The following RNF4 variants were observed in gnomAD, a reference collection of about 807,000 sequenced individuals.
RNF4 encodes E3 ubiquitin-protein ligase RNF4.
Under a neutral mutation model 24.3 loss-of-function variants are expected in RNF4, and 7 were observed. That is an observed-to-expected ratio of 0.29 (90% CI 0.16 to 0.54). The LOEUF (loss-of-function observed/expected upper bound fraction) is 0.54. Among genes scored for constraint, RNF4 ranks in the 20% least tolerant of loss-of-function variants. The pLI is 0.95. For missense variants in RNF4, 209 were observed against 248.5 expected (o/e 0.84, Z 1.07); for synonymous variants, 83 against 84.3 (o/e 0.98, Z 0.09).
At chr4:2,505,548 A>C (rs542682700) in intron 4 of RNF4, 1 of 149,636 alleles carries the variant, frequency 6.7e-6, no homozygotes, top group African/African-American at 2.5e-5. Context: ...GATGGTCTCG[A>C]TCTCCTGACC....
intron 4 of RNF4, among the ~76,000 whole-genome samples, chr4:2,503,387 A>G (rs1735975076): frequency 6.6e-6 from 1 of 152,074 alleles, no homozygotes; most frequent in African/African-American, 2.4e-5. Flanking sequence ...TACCCTGGAA[A>G]GTGGATGGGT....
chr4:2,502,843 C>CAA (rs61616696), intron 4 of RNF4, among the ~76,000 whole-genome samples: 3 of 130,802 alleles, frequency 2.3e-5, no homozygotes, highest in Non-Finnish European at 3.3e-5. Context: ...GACTCTGTCT[C>CAA]AAAAAAAAAA....
At chr4:2,484,618 G>C (rs1445020722) in intron 1 of RNF4, among the ~76,000 whole-genome samples, 1 of 150,972 alleles carries the variant, frequency 6.6e-6, no homozygotes, top group Non-Finnish European at 1.5e-5. Context: ...ACTCCTGCTA[G>C]AGTGGGGGGG....
intron 1 of RNF4, chr4:2,480,644 C>T (rs1735219137): frequency 6.6e-6 from 1 of 151,884 alleles, no homozygotes; most frequent in Admixed American, 6.6e-5. Context: ...GTGGGGACAC[C>T]ATGATAAGTA....
At chr4:2,490,903 GGC>G (rs1735559961) in intron 2 of RNF4, 1 of 167,628 alleles carries the variant, frequency 6.0e-6, no homozygotes, top group African/African-American at 2.4e-5. Context: ...GACCAGCCAG[GGC>G]AACATAGGCC....
chr4:2,504,553 T>TTTAC (rs1736011195), intron 4 of RNF4, among the ~76,000 whole-genome samples: 1 of 149,038 alleles, frequency 6.7e-6, no homozygotes, highest in South Asian at 2.1e-4. Context: ...TATTTATTTA[T>TTTAC]TTATTTATTT....
At chr4:2,509,542 A>T (rs536625398) in intron 4 of RNF4, among the ~76,000 whole-genome samples, 7 of 151,946 alleles carry the variant, frequency 4.6e-5, no homozygotes, top group Non-Finnish European at 8.8e-5. Flanking sequence ...TATACTGAAG[A>T]CTCATCTGGA....
chr4:2,496,193 G>GT (rs1395432647), intron 2 of RNF4, among the ~76,000 whole-genome samples: 1 of 152,174 alleles, frequency 6.6e-6, no homozygotes. Context: ...GTGAATCACA[G>GT]TTGATAGTGC....
At chr4:2,508,198 A>G (rs889776357) in intron 4 of RNF4, among the ~76,000 whole-genome samples, 3 of 152,106 alleles carry the variant, frequency 2.0e-5, no homozygotes, top group African/African-American at 7.2e-5. Context: ...TACTAATTAA[A>G]CTATTCAGTT....
intron 4 of RNF4, 41 bp from the exon 5 acceptor site, chr4:2,511,915 A>G (rs776095680): frequency 6.3e-7 from 1 of 1,581,584 alleles, no homozygotes; most frequent in South Asian, 1.1e-5. Flanking sequence ...TATCAAACTG[A>G]TTGCTTCTTT....
intron 1 of RNF4, among the ~76,000 whole-genome samples, chr4:2,488,223 G>A (rs966233728): frequency 4.6e-5 from 7 of 152,190 alleles, no homozygotes; most frequent in Admixed American, 4.6e-4. Flanking sequence ...AGCACTTTGG[G>A]AAGCCGAGGC....
At chr4:2,488,510 T>C (rs1735481201) in intron 1 of RNF4, among the ~76,000 whole-genome samples, 1 of 151,944 alleles carries the variant, frequency 6.6e-6, no homozygotes, top group South Asian at 2.1e-4. Context: ...TCACACAGCA[T>C]TTTAGGGCTT....
chr4:2,507,759 C>T lies in RNF4; in HGVS notation c.205-4197C>T, dbSNP rs115022631. On this transcript the variant is annotated intron_variant, in intron 4 of 7. Transcript: ENST00000314289. ...CAGATGTGCCTGCTGCAGGTCCACT[C>T]GTCTCTAAATGCTCTGACCTATGGA... is the stretch of plus-strand genomic sequence containing the variant. Among the ~76,000 whole-genome samples the T allele has an allele frequency of 7.8e-3, 1,190 of 152,266 alleles. 18 individuals carry two copies. Among genetic ancestry groups the T allele is most frequent in the African/African-American group, 0.026 (1,092 of 41,544 alleles).
intron 4 of RNF4, among the ~76,000 whole-genome samples, chr4:2,509,400 TAG>T (rs918424924): frequency 1.3e-5 from 2 of 151,934 alleles, no homozygotes; most frequent in African/African-American, 2.4e-5. Flanking sequence ...GTAGTTTTAG[TAG>T]AGACAGGGTT....
intron 4 of RNF4, among the ~76,000 whole-genome samples, chr4:2,504,456 C>G (rs994094165): frequency 2.6e-5 from 4 of 152,106 alleles, no homozygotes; most frequent in Non-Finnish European, 5.9e-5. Flanking sequence ...CAAATGGGAT[C>G]AAACACCTTT....
chr4:2,481,336 C>A (rs1017809995), intron 1 of RNF4: 3 of 152,090 alleles, frequency 2.0e-5, no homozygotes, highest in African/African-American at 7.2e-5. Flanking sequence ...TGCCCTAATT[C>A]CATTTTTCCT....
chr4:2,511,879 A>C, intron 4 of RNF4, 77 bp from the exon 5 acceptor site: 2 of 1,481,608 alleles, frequency 1.3e-6, no homozygotes, highest in Non-Finnish European at 1.9e-6. Context: ...ACGTCAGAAA[A>C]AAGAAATGGC....
At chr4:2,491,778 G>C (rs989612294) in intron 2 of RNF4, among the ~76,000 whole-genome samples, 2 of 151,360 alleles carry the variant, frequency 1.3e-5, no homozygotes, top group Non-Finnish European at 2.9e-5. Flanking sequence ...CAGTCTCCCA[G>C]TCTGGAGTGC....
At chr4:2,496,231 AG>A (rs1265453508) in intron 2 of RNF4, among the ~76,000 whole-genome samples, 1 of 152,178 alleles carries the variant, frequency 6.6e-6, no homozygotes. Context: ...CACATTTCCC[AG>A]GGGAAGATAA....
Sources: allele counts gnomAD v4.1 joint callset (sites outside exome capture counted in the v4.1 genomes callset), GRCh38; gene constraint gnomAD v4.1.1; transcripts MANE v1.5; gene names NCBI Gene and HGNC (gene_info 2026-07-23, HGNC 2026-07-21).